The following SNTG1 variants were observed in gnomAD, a reference collection of about 807,000 sequenced individuals.
SNTG1 encodes syntrophin gamma 1, also known as gamma-1-syntrophin.
In SNTG1, 39 loss-of-function variants were observed where a neutral mutation model predicts 74.7. The ratio of observed to expected loss-of-function variants is 0.52; its 90% confidence interval spans 0.40 to 0.68. The LOEUF (loss-of-function observed/expected upper bound fraction) is 0.68. SNTG1 is among the 30% of genes least tolerant of loss of function. SNTG1 has a pLI of 0.00. For missense variants in SNTG1, 685 were observed against 609.5 expected (o/e 1.12, Z -1.30); for synonymous variants, 254 against 217.1 (o/e 1.17, Z -1.49).
At chr8:49,916,196 CA>C (rs1471945708) in intron 1 of SNTG1, among the ~76,000 whole-genome samples, 1 of 149,630 alleles carries the variant, frequency 6.7e-6, no homozygotes, top group Non-Finnish European at 1.5e-5. Flanking sequence ...GTCAAATACA[CA>C]CACACACACA....
chr8:50,151,147 T>C (rs192462280), intron 1 of SNTG1, among the ~76,000 whole-genome samples: 7 of 152,318 alleles, frequency 4.6e-5, no homozygotes, highest in Non-Finnish European at 8.8e-5. Context: ...TGGGATGGTG[T>C]ATGTGTCCAG....
At chr8:50,586,129 G>A (rs1299800512) in intron 12 of SNTG1, among the ~76,000 whole-genome samples, 1 of 152,034 alleles carries the variant, frequency 6.6e-6, no homozygotes, top group East Asian at 1.9e-4. Context: ...AAAATAGAAG[G>A]GAGTATGAAA....
chr8:50,535,059 T>C (rs941021476), intron 10 of SNTG1, among the ~76,000 whole-genome samples: 1 of 152,144 alleles, frequency 6.6e-6, no homozygotes, highest in Non-Finnish European at 1.5e-5. Context: ...ATCTAAGTAG[T>C]TTGTTTTACT....
chr8:50,095,451 G>A (rs1467597487), intron 1 of SNTG1, among the ~76,000 whole-genome samples: 1 of 152,196 alleles, frequency 6.6e-6, no homozygotes, highest in Non-Finnish European at 1.5e-5. Context: ...ATTCTGGACA[G>A]TACTGAGGTC....
At chr8:50,711,149 C>T (rs546969390) in intron 17 of SNTG1, among the ~76,000 whole-genome samples, 1 of 152,164 alleles carries the variant, frequency 6.6e-6, no homozygotes, top group South Asian at 2.1e-4. Context: ...TCAGATGAGG[C>T]TGGAAGTTAT....
At chr8:50,579,291 A>G (rs762364385) in intron 12 of SNTG1, among the ~76,000 whole-genome samples, 3 of 152,294 alleles carry the variant, frequency 2.0e-5, no homozygotes, top group Non-Finnish European at 4.4e-5. Context: ...GATTTAGGGT[A>G]TCTGATGGAA....
At chr8:50,376,729 T>TTATATATATATATATATATATATA (rs375978893) in intron 2 of SNTG1, among the ~76,000 whole-genome samples, 2 of 100,614 alleles carry the variant, frequency 2.0e-5, no homozygotes, top group Admixed American at 1.2e-4. Flanking sequence ...TATTAATAAA[T>TTATATATATATATATATATATATA]TATATATATA....
At chr8:50,588,035 G>C (rs1034221337) in intron 12 of SNTG1, among the ~76,000 whole-genome samples, 1 of 151,558 alleles carries the variant, frequency 6.6e-6, no homozygotes, top group Non-Finnish European at 1.5e-5. Flanking sequence ...CAGGAGAATC[G>C]CTTGAACCCA....
chr8:50,409,698 C>T (rs2092923255), intron 4 of SNTG1, among the ~76,000 whole-genome samples: 1 of 152,184 alleles, frequency 6.6e-6, no homozygotes, highest in Non-Finnish European at 1.5e-5. Context: ...TGGCTGTTCT[C>T]ATGGTAGTAT....
chr8:50,424,587 C>T (rs2093138433), intron 4 of SNTG1, among the ~76,000 whole-genome samples: 1 of 152,104 alleles, frequency 6.6e-6, no homozygotes, highest in South Asian at 2.1e-4. Context: ...ATAGAGGACT[C>T]AGGGCAACAG....
chr8:50,436,710 T>C (rs2093307289), intron 4 of SNTG1, among the ~76,000 whole-genome samples: 1 of 152,176 alleles, frequency 6.6e-6, no homozygotes, highest in Admixed American at 6.6e-5. Flanking sequence ...TAATGAACCA[T>C]TTAATGAGAA....
intron 2 of SNTG1, among the ~76,000 whole-genome samples, chr8:50,184,111 C>T (rs1276277093): frequency 6.6e-6 from 1 of 152,108 alleles, no homozygotes; most frequent in Non-Finnish European, 1.5e-5. Context: ...GTTTGTCTCT[C>T]TCTGCTTCAT....
At chr8:50,411,289 A>C (rs555979731) in intron 4 of SNTG1, among the ~76,000 whole-genome samples, 2 of 151,988 alleles carry the variant, frequency 1.3e-5, no homozygotes, top group Non-Finnish European at 2.9e-5. Flanking sequence ...TCTACTAAAA[A>C]TACAAAAAAT....
intron 2 of SNTG1, among the ~76,000 whole-genome samples, chr8:50,301,704 T>C (rs1563866608): frequency 6.6e-6 from 1 of 152,162 alleles, no homozygotes; most frequent in African/African-American, 2.4e-5. Flanking sequence ...TCCCCTGGGA[T>C]TGCCATTTTT....
chr8:50,014,101 A>T (rs537615808), intron 1 of SNTG1, among the ~76,000 whole-genome samples: 71 of 152,266 alleles, frequency 4.7e-4, no homozygotes, highest in African/African-American at 1.6e-3. Context: ...AGTTGGTGCT[A>T]TCCCCATCCT....
intron 1 of SNTG1, among the ~76,000 whole-genome samples, chr8:50,158,066 A>G (rs1195144226): frequency 3.3e-5 from 5 of 152,124 alleles, no homozygotes; most frequent in African/African-American, 4.8e-5. Flanking sequence ...TTTGGGTGGC[A>G]AATTCCATGA....
chr8:50,636,386 C>T (rs1028613989), intron 13 of SNTG1, among the ~76,000 whole-genome samples: 27 of 151,916 alleles, frequency 1.8e-4, no homozygotes, highest in African/African-American at 6.0e-4. Flanking sequence ...GTCTAGACCA[C>T]CTTTCAACTT....
intron 13 of SNTG1, among the ~76,000 whole-genome samples, chr8:50,621,878 C>T (rs1336003713): frequency 6.6e-6 from 1 of 152,146 alleles, no homozygotes; most frequent in Non-Finnish European, 1.5e-5. Context: ...TAATTAATGA[C>T]TTGCACTAAA....
intron 2 of SNTG1, among the ~76,000 whole-genome samples, chr8:50,362,932 G>A (rs1385181904): frequency 6.6e-6 from 1 of 152,062 alleles, no homozygotes; most frequent in African/African-American, 2.4e-5. Context: ...AGTAAACACA[G>A]ACAACTGAAT....
Sources: allele counts gnomAD v4.1 joint callset (sites outside exome capture counted in the v4.1 genomes callset), GRCh38; gene constraint gnomAD v4.1.1; transcripts MANE v1.5; gene names NCBI Gene and HGNC (gene_info 2026-07-23, HGNC 2026-07-21).